EYA2: variants seen among roughly 807,000 people sequenced by gnomAD.
EYA2 encodes protein phosphatase EYA2.
EYA2 carries 31 observed loss-of-function variants against 69.2 expected under a neutral mutation model. The ratio of observed to expected loss-of-function variants is 0.45; its 90% confidence interval spans 0.34 to 0.60. EYA2 has a LOEUF of 0.60. EYA2 is among the 20% of genes least tolerant of loss of function. The pLI is 0.02. For synonymous variants in EYA2, 257 were observed against 279.4 expected, an observed-to-expected ratio of 0.92 and a Z score of 0.80; for missense variants, 622 against 701.2, an observed-to-expected ratio of 0.89 and a Z score of 1.28.
At chr20:47,038,851 G>A (rs6124923) in intron 5 of EYA2, among the ~76,000 whole-genome samples, 14,755 of 152,134 alleles carry the variant, frequency 0.097, 1,109 homozygotes, top group East Asian at 0.32. Context: ...AAGTGGAATC[G>A]TACAGTATTT....
intron 5 of EYA2, among the ~76,000 whole-genome samples, chr20:47,055,402 G>A (rs773969592): frequency 6.6e-6 from 1 of 152,196 alleles, no homozygotes. Flanking sequence ...ACTGGGTGAA[G>A]GCAGATGGTC....
At chr20:47,080,668 CA>C (rs1350400748) in intron 7 of EYA2, among the ~76,000 whole-genome samples, 1 of 151,978 alleles carries the variant, frequency 6.6e-6, no homozygotes, top group Non-Finnish European at 1.5e-5. Context: ...GAGCAGTTTA[CA>C]AAGGAAAGAG....
chr20:47,016,447 C>T, intron 5 of EYA2, 150 bp downstream of exon 5: 1 of 639,336 alleles, frequency 1.6e-6, no homozygotes, highest in Non-Finnish European at 2.8e-6. Flanking sequence ...ACGAGATCTG[C>T]CTTTCATGGT....
chr20:47,007,698 C>T (rs1485599972), intron 4 of EYA2, among the ~76,000 whole-genome samples: 5 of 152,094 alleles, frequency 3.3e-5, no homozygotes, highest in African/African-American at 9.7e-5. Flanking sequence ...TCACTGCACC[C>T]TCCACCTCCC....
intron 1 of EYA2, among the ~76,000 whole-genome samples, chr20:46,956,099 C>T (rs1472404050): frequency 6.6e-6 from 1 of 152,160 alleles, no homozygotes; most frequent in Non-Finnish European, 1.5e-5. Context: ...CTTTTGTGTT[C>T]CTAAACAGAT....
rs3085766 is a variant in EYA2 at position 46,898,394 on chromosome 20, A to AACAC, written c.-11+3434_-11+3437dup. Among the ~76,000 whole-genome samples, 228 of 146,560 alleles carry AACAC rather than the reference A, an allele frequency of 1.6e-3. 1 individual carries two copies. Among genetic ancestry groups the AACAC allele is most frequent in the South Asian group, 5.3e-3 (24 of 4,520 alleles). On this transcript the variant is annotated intron_variant, in intron 1 of 15. Transcript: ENST00000327619. The stretch of plus-strand genomic sequence containing the variant: ...AAGAAAACACAGCCTGTTGACAGAA[A>AACAC]ACACACACACACACACACACACACA...
At chr20:47,031,972 C>G (rs906722892) in intron 5 of EYA2, among the ~76,000 whole-genome samples, 3 of 152,180 alleles carry the variant, frequency 2.0e-5, no homozygotes, top group Admixed American at 6.5e-5. Context: ...GCAGCCTGCT[C>G]CCAGCCCAGG....
intron 2 of EYA2, among the ~76,000 whole-genome samples, chr20:46,998,798 G>A: frequency 6.6e-6 from 1 of 152,170 alleles, no homozygotes; most frequent in South Asian, 2.1e-4. Flanking sequence ...GGGATGAAAA[G>A]GTTAAATGCG....
At chr20:47,118,048 G>A (rs534944907) in intron 9 of EYA2, among the ~76,000 whole-genome samples, 5 of 152,320 alleles carry the variant, frequency 3.3e-5, no homozygotes, top group African/African-American at 9.6e-5. Context: ...GAAACGGAGA[G>A]GAAGCCCTGC....
chr20:47,068,018 G>A (rs1010067620), intron 5 of EYA2, among the ~76,000 whole-genome samples: 1 of 151,910 alleles, frequency 6.6e-6, no homozygotes. Flanking sequence ...CCTTATTCTG[G>A]CACATTTTGT....
In EYA2 at chr20:47,005,035, CTA is replaced by C; in HGVS notation, c.252_253del (p.Thr85SerfsTer137). The C allele has an allele frequency of 6.2e-7, 1 of 1,613,946 alleles. No homozygotes were observed. Among genetic ancestry groups the C allele is most frequent in the South Asian group, 1.1e-5 (1 of 91,076 alleles). On this transcript the variant is annotated frameshift_variant, in exon 4 of 16. Coordinates refer to ENST00000327619, the MANE Select transcript of EYA2 (RefSeq NM_005244.5). LOFTEE classifies it high-confidence loss of function. ...YSAGIQQATP[Y>X]TAYPPPAQAY... ...GTGCGGGGATCCAGCAGGCTACCCCCTATACAGCTTACCCACCTCCAGCACAA... is the reference window on the plus strand; with the variant it reads ...GTGCGGGGATCCAGCAGGCTACCCCCTACAGCTTACCCACCTCCAGCACAA...
intron 4 of EYA2, among the ~76,000 whole-genome samples, chr20:47,010,289 G>A (rs1283346178): frequency 6.6e-6 from 1 of 152,188 alleles, no homozygotes; most frequent in East Asian, 1.9e-4. Context: ...GGCCAGTTGG[G>A]CCTGCTGCTG....
chr20:47,081,791 A>G (rs1568766394), intron 7 of EYA2, among the ~76,000 whole-genome samples: 2 of 151,282 alleles, frequency 1.3e-5, no homozygotes, highest in South Asian at 2.1e-4. Flanking sequence ...AAAAAAAAAA[A>G]AAGAAGAAAG....
intron 1 of EYA2, among the ~76,000 whole-genome samples, chr20:46,962,449 T>G (rs1376957150): frequency 6.6e-6 from 1 of 152,186 alleles, no homozygotes; most frequent in Non-Finnish European, 1.5e-5. Flanking sequence ...TATAAATATA[T>G]ACAATTATTA....
chr20:47,130,261 CTTTT>C (rs74178703), intron 9 of EYA2, among the ~76,000 whole-genome samples: 5 of 81,256 alleles, frequency 6.2e-5, no homozygotes, highest in East Asian at 7.6e-4. Flanking sequence ...GGTTTATTTT[CTTTT>C]TTTTTTTTTT....
intron 9 of EYA2, 130 bp from the exon 10 acceptor site, chr20:47,142,929 T>A: frequency 1.7e-6 from 1 of 585,238 alleles, no homozygotes; most frequent in South Asian, 2.5e-5. Context: ...AGACTCATTT[T>A]AGGCCACGCG....
intron 1 of EYA2, among the ~76,000 whole-genome samples, chr20:46,979,101 A>T (rs980017126): frequency 2.0e-5 from 3 of 152,194 alleles, no homozygotes; most frequent in Non-Finnish European, 4.4e-5. Context: ...CCGACTGGCC[A>T]TCTGTCCTCT....
chr20:46,927,535 AG>A (rs113494784), intron 1 of EYA2, among the ~76,000 whole-genome samples: 21,417 of 152,170 alleles, frequency 0.14, 2,227 homozygotes, highest in East Asian at 0.48. Context: ...AGAAGGCAAA[AG>A]GGCACATCTT....
At chr20:46,908,082 C>T (rs1003664240) in intron 1 of EYA2, among the ~76,000 whole-genome samples, 3 of 152,166 alleles carry the variant, frequency 2.0e-5, no homozygotes, top group East Asian at 1.9e-4. Context: ...ATTTCCTCTT[C>T]AGTATGGAAA....
Sources: gnomAD v4.1 joint callset for allele counts (sites outside exome capture counted in the v4.1 genomes callset) on GRCh38, gnomAD v4.1.1 for gene constraint, MANE v1.5 for transcripts, NCBI Gene and HGNC (gene_info 2026-07-23, HGNC 2026-07-21) for gene names.